ARHGAP17: variants seen among roughly 807,000 people sequenced by gnomAD.
The protein encoded by ARHGAP17 is Rho GTPase activating protein 17, also known as rho GTPase-activating protein 17.
Under a neutral mutation model 99.5 loss-of-function variants are expected in ARHGAP17, and 57 were observed. The observed-to-expected ratio is 0.57, with a 90% confidence interval of 0.46 to 0.71. ARHGAP17 has a LOEUF of 0.71. Ranked by LOEUF, ARHGAP17 falls within the 30% of genes least tolerant of loss-of-function variation. The pLI is 0.00. For synonymous variants in ARHGAP17, 417 were observed against 429.6 expected, an observed-to-expected ratio of 0.97 and a Z score of 0.36; for missense variants, 1,000 against 1,122.4, an observed-to-expected ratio of 0.89 and a Z score of 1.56.
chr16:24,934,931 C>T (rs898941120), intron 18 of ARHGAP17, among the ~76,000 whole-genome samples: 1 of 152,126 alleles, frequency 6.6e-6, no homozygotes, highest in Admixed American at 6.6e-5. Flanking sequence ...GTAGGCCCCA[C>T]CAAAGCACAG....
chr16:24,975,082 G>A (rs1468459826), intron 3 of ARHGAP17, among the ~76,000 whole-genome samples: 3 of 152,244 alleles, frequency 2.0e-5, no homozygotes, highest in Non-Finnish European at 4.4e-5. Context: ...GAGCCCAGGA[G>A]GTTAATGTTG....
intron 7 of ARHGAP17, among the ~76,000 whole-genome samples, chr16:24,961,286 A>G (rs78512992): frequency 0.014 from 2,131 of 152,310 alleles, 52 homozygotes; most frequent in African/African-American, 0.049. Flanking sequence ...ATGGTAGAAG[A>G]AAGACTTCAC....
intron 9 of ARHGAP17, among the ~76,000 whole-genome samples, chr16:24,957,765 C>T (rs1174033412): frequency 6.6e-6 from 1 of 152,070 alleles, no homozygotes; most frequent in African/African-American, 2.4e-5. Context: ...AGGAAGGGGT[C>T]ATCTGAAGTA....
At chr16:25,009,767 C>T (rs559647007) in intron 1 of ARHGAP17, among the ~76,000 whole-genome samples, 1 of 152,116 alleles carries the variant, frequency 6.6e-6, no homozygotes, top group East Asian at 1.9e-4. Context: ...CTGTCTCTTG[C>T]GAGCTTGATG....
intron 1 of ARHGAP17, among the ~76,000 whole-genome samples, chr16:25,005,710 G>T (rs1350450978): frequency 6.6e-6 from 1 of 152,002 alleles, no homozygotes; most frequent in Non-Finnish European, 1.5e-5. Context: ...CACATACAGA[G>T]AAAACTCATA....
intron 3 of ARHGAP17, among the ~76,000 whole-genome samples, chr16:24,976,869 G>C (rs2052533339): frequency 6.6e-6 from 1 of 152,184 alleles, no homozygotes; most frequent in Non-Finnish European, 1.5e-5. Flanking sequence ...TTTTCAGTTA[G>C]CAAACCAATA....
chr16:24,998,687 G>A (rs1262539769), intron 1 of ARHGAP17, among the ~76,000 whole-genome samples: 1 of 152,242 alleles, frequency 6.6e-6, no homozygotes, highest in African/African-American at 2.4e-5. Flanking sequence ...TGAAATGCTG[G>A]CAGCCCCACA....
chr16:24,978,657 G>A (rs2052585786), intron 2 of ARHGAP17, among the ~76,000 whole-genome samples: 1 of 152,108 alleles, frequency 6.6e-6, no homozygotes, highest in South Asian at 2.1e-4. Context: ...CAACCTGTGA[G>A]GTGGATAAGG....
intron 14 of ARHGAP17, among the ~76,000 whole-genome samples, chr16:24,946,134 A>G (rs1482422992): frequency 1.3e-5 from 2 of 152,026 alleles, no homozygotes; most frequent in Admixed American, 6.6e-5. Flanking sequence ...CCTCTATTCA[A>G]TCTACATTTT....
chr16:24,939,152 C>A (rs1387439041), intron 17 of ARHGAP17, among the ~76,000 whole-genome samples: 2 of 152,214 alleles, frequency 1.3e-5, no homozygotes, highest in Admixed American at 1.3e-4. Flanking sequence ...GCAAAGAATG[C>A]AAACCAATGT....
chr16:24,996,394 G>A (rs767792138), intron 1 of ARHGAP17, among the ~76,000 whole-genome samples: 2 of 152,126 alleles, frequency 1.3e-5, no homozygotes, highest in Non-Finnish European at 2.9e-5. Flanking sequence ...TTTCTTCAGC[G>A]TTACCAGGCA....
chr16:24,939,501 G>C lies in ARHGAP17; in HGVS notation c.1587C>G (p.Pro529=), dbSNP rs369123400. Residue 529 remains proline (P), a synonymous_variant, in exon 17 of 20, where the codon CCC becomes CCG. Transcript: ENST00000289968. Reference sequence around the variant, plus strand: ...CGGGCACCACGGTGCTGCCATCTGTGGGCGGAAGTGGCGGCTGGAAAGCGG... The same window carrying C: ...CGGGCACCACGGTGCTGCCATCTGTCGGCGGAAGTGGCGGCTGGAAAGCGG... The part of the protein sequence containing the change: ...ISPAFQPPLP[P]TDGSTVVPAG... The C allele has an allele frequency of 4.3e-6, 7 of 1,611,746 alleles. No individual in the cohort carries two copies. The highest frequency in any genetic ancestry group is 5.1e-6 in the Non-Finnish European group (6 of 1,179,348).
chr16:24,978,874 A>T lies in ARHGAP17; in HGVS notation c.93+92T>A, dbSNP rs533545540. The T allele has an allele frequency of 5.8e-5, 54 of 925,322 alleles. No homozygotes were observed. In the East Asian group the frequency reaches 1.5e-3, roughly 25 times the overall value. The allele number at this position is 925,322 out of a possible 1,614,324, so 57.3% of individuals were successfully genotyped here. The stretch of plus-strand genomic sequence containing the variant: ...TTTATTCTGTTTCTGGTTAAAAAAA[A>T]AAAAAAAAAAAGCCCACAGGCCTCA... On this transcript the variant is annotated intron_variant, in intron 2 of 19. Transcript: ENST00000289968.
At chr16:24,956,780 C>T (rs897696828) in intron 9 of ARHGAP17, 15 of 152,212 alleles carry the variant, frequency 9.9e-5, no homozygotes, top group African/African-American at 3.6e-4. Flanking sequence ...CACATGATGA[C>T]AACCAACTTT....
chr16:24,996,884 G>C (rs944766285), intron 1 of ARHGAP17, among the ~76,000 whole-genome samples: 1 of 151,032 alleles, frequency 6.6e-6, no homozygotes. Flanking sequence ...CCAGGAGTTG[G>C]AGACAAGCCT....
chr16:24,939,940 A>G, intron 16 of ARHGAP17: 1 of 316,036 alleles, frequency 3.2e-6, no homozygotes. Flanking sequence ...ATGTGGTCTC[A>G]CTCCACCACC....
At position 24,982,411 on chromosome 16, in the gene ARHGAP17, C is replaced by CA. The variant is rs933275900; in HGVS notation, c.54-3407dup. Among the ~76,000 whole-genome samples, 273 of 142,928 alleles carry CA rather than the reference C, an allele frequency of 1.9e-3. 1 individual carries two copies. The highest frequency in any genetic ancestry group is 5.3e-3 in the African/African-American group (205 of 38,920). 93.8% of individuals were successfully genotyped at this position (142,928 alleles called of 152,430 possible). A position where few individuals can be genotyped will look rare whatever the true frequency, so the allele number is the denominator to read the frequency against. ...AGAGCAAGACTCTGTCTCAAAAAAA[C>CA]AAAAAAAAAATGTGTAGAAAAAAAT... On this transcript the variant is annotated intron_variant, in intron 1 of 19. Coordinates refer to ENST00000289968, the MANE Select transcript of ARHGAP17 (RefSeq NM_001006634.3).
chr16:24,945,533 G>T (rs2051445401), intron 14 of ARHGAP17, among the ~76,000 whole-genome samples: 1 of 152,044 alleles, frequency 6.6e-6, no homozygotes, highest in South Asian at 2.1e-4. Context: ...GCCTACATGA[G>T]GACACTGGGT....
intron 17 of ARHGAP17, among the ~76,000 whole-genome samples, chr16:24,938,670 G>A (rs2051211052): frequency 6.6e-6 from 1 of 151,726 alleles, no homozygotes; most frequent in Admixed American, 6.6e-5. Context: ...TACTTGGGAG[G>A]CTTAGGTAGG....
Sources: allele counts gnomAD v4.1 joint callset (sites outside exome capture counted in the v4.1 genomes callset), GRCh38; gene constraint gnomAD v4.1.1; transcripts MANE v1.5; gene names NCBI Gene and HGNC (gene_info 2026-07-23, HGNC 2026-07-21).